The following SUN5 variants were observed in gnomAD, a reference collection of about 807,000 sequenced individuals.
The protein encoded by SUN5 is Sad1 and UNC84 domain containing 5.
SUN5 carries 44 observed loss-of-function variants against 53.7 expected under a neutral mutation model. The observed-to-expected ratio is 0.82, with a 90% CI of 0.64 to 1.05. The LOEUF is 1.05. Among genes scored for constraint, SUN5 ranks in the 50% least tolerant of loss-of-function variants. SUN5 has a pLI of 0.00. For missense variants in SUN5, 433 were observed against 483.8 expected (o/e 0.90, Z 0.98); for synonymous variants, 166 against 179.8 (o/e 0.92, Z 0.62).
At chr20:32,987,887 G>T in intron 9 of SUN5, 112 bp from the exon 10 acceptor site, 2 of 719,022 alleles carry the variant, frequency 2.8e-6, no homozygotes, top group South Asian at 1.7e-5. Context: ...TGAGTCACTG[G>T]CCCTGTTCTC....
At position 33,002,598 on chromosome 20, in the gene SUN5, A is replaced by T. The variant is rs758097209; in HGVS notation, c.200T>A (p.Leu67Gln). ...CAGTATATACGTACACACACATCCC[A>T]GCATGCACTGAGTCAGGCCTAGGGC... is the stretch of plus-strand genomic sequence containing the variant. ...DQALGLTQCM[L>Q]GCVSWFTCFA... Residue 67 changes from leucine to glutamine, a missense_variant, in exon 3 of 13, where the codon CTG becomes CAG. Coordinates refer to ENST00000356173, the MANE Select transcript of SUN5 (RefSeq NM_080675.4). 6.2e-7 allele frequency: 1 copy of T among 1,614,222 alleles called. No homozygotes were observed. Among genetic ancestry groups the T allele is most frequent in the East Asian group, 2.2e-5 (1 of 44,888 alleles).
chr20:33,004,386 GCT>G lies in SUN5; in HGVS notation c.-48_-47del, dbSNP rs1356631278. The G allele has an allele frequency of 1.1e-5, 17 of 1,520,164 alleles. No homozygotes were observed. The highest frequency in any genetic ancestry group is 1.5e-5 in the Non-Finnish European group (17 of 1,131,676). The allele number at this position is 1,520,164 out of a possible 1,614,324, so 94.2% of individuals were successfully genotyped here. On this transcript the variant is annotated 5_prime_UTR_variant, in exon 1 of 13. Coordinates refer to ENST00000356173, the MANE Select transcript of SUN5 (RefSeq NM_080675.4). ...GGGGATGGAGATGGGAACTCTGGGA[GCT>G]GGTGAGGAGGAAGGGGCTGATGCCT...
rs775428516 is a variant in SUN5, at chr20:33,001,665, C to CCCTT, written c.212-391_212-388dup. ...TTCCTCCCTCCCTCCCTCCCTCCCTCCCTTCCTTCCTTCTTTCCTTTTTGA... is the reference window on the plus strand; with the variant it reads ...TTCCTCCCTCCCTCCCTCCCTCCCTCCCTTCCTTCCTTCCTTCTTTCCTTTTTGA... On this transcript the variant is annotated intron_variant, in intron 3 of 12. Coordinates refer to ENST00000356173, the MANE Select transcript of SUN5 (RefSeq NM_080675.4). Among the ~76,000 whole-genome samples the CCCTT allele has an allele frequency of 2.1e-3, 234 of 109,470 alleles. 4 individuals are homozygous for CCCTT. The highest frequency in any genetic ancestry group is 0.018 in the Middle Eastern group (4 of 224). The allele number at this position is 109,470 out of a possible 152,430, so 71.8% of individuals were successfully genotyped here. A position where few individuals can be genotyped will look rare whatever the true frequency, so the allele number is the denominator to read the frequency against.
In SUN5 at chr20:33,004,259, CT is replaced by C. The variant is rs770892730; in HGVS notation, c.77+4del. 29 of 1,561,738 alleles carry C rather than the reference CT, an allele frequency of 1.9e-5. No individual in the cohort carries two copies. Among genetic ancestry groups the C allele is most frequent in the Non-Finnish European group, 2.5e-5 (29 of 1,152,626 alleles). On this transcript the variant is annotated splice_donor_region_variant and intron_variant, in intron 1 of 12. Coordinates refer to ENST00000356173, the MANE Select transcript of SUN5 (RefSeq NM_080675.4). ...CTGGGCAAAGGGAGGGGCTGCCATCCTCACCTCCGGGGTCTGGGATTGTGGG... is the reference window on the plus strand; with the variant it reads ...CTGGGCAAAGGGAGGGGCTGCCATCCCACCTCCGGGGTCTGGGATTGTGGG...
intron 9 of SUN5, among the ~76,000 whole-genome samples, chr20:32,989,328 G>A (rs1033375006): frequency 3.3e-5 from 5 of 152,146 alleles, no homozygotes; most frequent in African/African-American, 1.2e-4. Flanking sequence ...TGGTGGAGAG[G>A]TAAAGCCAAG....
In SUN5 at chr20:32,985,150, CA is replaced by C. The variant is rs778165983; in HGVS notation, c.932del (p.Leu311ArgfsTer30). On this transcript the variant is annotated frameshift_variant, in exon 12 of 13. Transcript: ENST00000356173. LOFTEE classifies it high-confidence loss of function. Reference sequence around the variant, plus strand: ...TTTCTGGCTGAAACTGAAATGCCCCCAGGAACACCTCCTCCTTGGGGGAGCC... The same window carrying C: ...TTTCTGGCTGAAACTGAAATGCCCCCGGAACACCTCCTCCTTGGGGGAGCC... ...MEGSPKEEVF[L>X]GAFQFQPENI... is the part of the protein sequence containing the mutation. 1 of 1,613,964 alleles carries C rather than the reference CA, an allele frequency of 6.2e-7. No individual in the cohort carries two copies. Among genetic ancestry groups the C allele is most frequent in the African/African-American group, 1.3e-5 (1 of 74,908 alleles).
intron 7 of SUN5, among the ~76,000 whole-genome samples, chr20:32,996,118 A>T (rs1374216660): frequency 6.6e-6 from 1 of 152,186 alleles, no homozygotes; most frequent in Non-Finnish European, 1.5e-5. Context: ...GATGGGTGTT[A>T]TGCTTCATCT....
chr20:32,986,473 G>A (rs1386656768), intron 10 of SUN5, among the ~76,000 whole-genome samples: 2 of 152,282 alleles, frequency 1.3e-5, no homozygotes, highest in African/African-American at 2.4e-5. Context: ...TTACTCGGTC[G>A]GTTCTGAGCT....
chr20:32,983,918 T>C lies in SUN5; in HGVS notation c.1016A>G (p.Lys339Arg), dbSNP rs745537183. 6.3e-7 allele frequency: 1 copy of C among 1,593,526 alleles called. No homozygotes were observed. Among genetic ancestry groups the C allele is most frequent in the Admixed American group, 1.7e-5 (1 of 57,538 alleles). The change falls in exon 13 of 13, where the codon AAG (lysine) becomes AGG (arginine). Residue 339 changes from lysine to arginine, a missense_variant. Transcript: ENST00000356173. Reference sequence around the variant, plus strand: ...CCCCCAGTTGCTTGAGATCTTCACCTTGACCGCACTGAAAGCCCGGGCCGG... The same window carrying C: ...CCCCCAGTTGCTTGAGATCTTCACCCTGACCGCACTGAAAGCCCGGGCCGG... ...NQPARAFSAV[K>R]VKISSNWGNP...
chr20:32,985,000 C>T, intron 12 of SUN5, 99 bp downstream of exon 12: 2 of 1,279,934 alleles, frequency 1.6e-6, no homozygotes, highest in South Asian at 1.3e-5. Context: ...TGACTGGGCA[C>T]CTCCTGGGGA....
rs1312469524 is a variant in SUN5 at position 32,989,555 on chromosome 20, C to A, written c.613+65G>T. 8 of 1,442,724 alleles carry A rather than the reference C, an allele frequency of 5.5e-6. No individual in the cohort carries two copies. In the Admixed American group the frequency reaches 1.3e-4, roughly 24 times the overall value. The allele number at this position is 1,442,724 out of a possible 1,614,324, so 89.4% of individuals were successfully genotyped here. A position where few individuals can be genotyped will look rare whatever the true frequency, so the allele number is the denominator to read the frequency against. On this transcript the variant is annotated intron_variant, in intron 9 of 12. Transcript: ENST00000356173. ...GGGAGTACCACACCAGAACTGAAAC[C>A]CACCCTGTGTACAGCTTCCCAGGAC...
At chr20:33,000,036 T>A in intron 5 of SUN5, 38 bp downstream of exon 5, 1 of 1,596,866 alleles carries the variant, frequency 6.3e-7, no homozygotes, top group Non-Finnish European at 8.5e-7. Flanking sequence ...GGCCCAGGGA[T>A]ACCTCCACCT....
At chr20:32,998,226 C>T (rs945668587) in intron 5 of SUN5, among the ~76,000 whole-genome samples, 6 of 148,428 alleles carry the variant, frequency 4.0e-5, no homozygotes, top group Non-Finnish European at 7.4e-5. Context: ...GTGTGGTGCA[C>T]GTCTATAGTC....
At chr20:32,999,371 G>T (rs1332692689) in intron 5 of SUN5, among the ~76,000 whole-genome samples, 1 of 152,178 alleles carries the variant, frequency 6.6e-6, no homozygotes, top group Non-Finnish European at 1.5e-5. Flanking sequence ...AAGGTGGGTG[G>T]ATCATGAGGT....
In SUN5 at chr20:33,004,283, G is replaced by C. The variant is rs1990128493; in HGVS notation, c.58C>G (p.His20Asp). The C allele has an allele frequency of 1.3e-6, 2 of 1,578,810 alleles. No homozygotes were observed. The highest frequency in any genetic ancestry group is 2.7e-5 in the African/African-American group (2 of 74,388). ...DPGALLEDVA[H>D]NPRPRRIAQR... ...CCTCACCTCCGGGGTCTGGGATTGTGGGCCACATCTTCGAGTAGGGCGCCT... is the reference window on the plus strand; with the variant it reads ...CCTCACCTCCGGGGTCTGGGATTGTCGGCCACATCTTCGAGTAGGGCGCCT... Residue 20 changes from histidine (H) to aspartate (D), a missense_variant, in exon 1 of 13, where the codon CAC (histidine) becomes GAC (aspartate). By Grantham distance (81) the His-to-Asp change is moderately conservative. Transcript: ENST00000356173.
At chr20:32,993,095 T>C (rs1600494677) in intron 8 of SUN5, among the ~76,000 whole-genome samples, 1 of 149,554 alleles carries the variant, frequency 6.7e-6, no homozygotes, top group Non-Finnish European at 1.5e-5. Flanking sequence ...ATGAAAAAAA[T>C]TATAATTGTT....
chr20:32,999,043 A>G (rs1454232453), intron 5 of SUN5, among the ~76,000 whole-genome samples: 1 of 152,114 alleles, frequency 6.6e-6, no homozygotes, highest in East Asian at 1.9e-4. Flanking sequence ...TTAAAAAACA[A>G]AAAAGAAGTA....
chr20:32,999,672 T>C (rs1191528567), intron 5 of SUN5, among the ~76,000 whole-genome samples: 1 of 152,174 alleles, frequency 6.6e-6, no homozygotes. Context: ...CACTGTCTAT[T>C]TTCCCATGGG....
intron 8 of SUN5, among the ~76,000 whole-genome samples, chr20:32,990,576 T>A (rs1828901058): frequency 6.6e-6 from 1 of 152,190 alleles, no homozygotes; most frequent in Non-Finnish European, 1.5e-5. Flanking sequence ...CACTGCCTGG[T>A]TCTCTGGGGA....
Sources: allele counts gnomAD v4.1 joint callset (sites outside exome capture counted in the v4.1 genomes callset), GRCh38; gene constraint gnomAD v4.1.1; transcripts MANE v1.5; gene names NCBI Gene and HGNC (gene_info 2026-07-23, HGNC 2026-07-21).